The following TRMT44 variants were observed in gnomAD, a reference collection of about 807,000 sequenced individuals.
TRMT44 encodes probable tRNA (uracil-O(2)-)-methyltransferase.
In TRMT44, 78 loss-of-function variants were observed where a neutral mutation model predicts 77.3. That is an observed-to-expected ratio of 1.01 (90% CI 0.84 to 1.22). The LOEUF (loss-of-function observed/expected upper bound fraction) is 1.22. TRMT44 is among the 50% of genes most tolerant of loss of function. The pLI, the probability that TRMT44 is intolerant of heterozygous loss-of-function variation, is 0.00. For missense variants in TRMT44, 1,090 were observed against 964.4 expected (o/e 1.13, Z -1.73); for synonymous variants, 391 against 383.3 (o/e 1.02, Z -0.23).
downstream of TRMT44, among the ~76,000 whole-genome samples, chr4:8,481,485 T>C (rs1727611141): frequency 6.6e-6 from 1 of 152,190 alleles, no homozygotes; most frequent in Admixed American, 6.5e-5. Flanking sequence ...AGGGATCTAC[T>C]CTCTTCGTCG....
At chr4:8,447,677 G>T (rs1579038065) in intron 2 of TRMT44, among the ~76,000 whole-genome samples, 1 of 152,298 alleles carries the variant, frequency 6.6e-6, no homozygotes, top group East Asian at 1.9e-4. Flanking sequence ...TGCTTGAAAG[G>T]GGTGCTCAGG....
At chr4:8,445,673 T>TA (rs572708072) in intron 1 of TRMT44, among the ~76,000 whole-genome samples, 10 of 152,226 alleles carry the variant, frequency 6.6e-5, no homozygotes, top group South Asian at 2.1e-4. Context: ...CTCTGATTGT[T>TA]AGAGTTTTCT....
chr4:8,465,620 G>A, intron 8 of TRMT44, 59 bp downstream of exon 8: 1 of 1,453,932 alleles, frequency 6.9e-7, no homozygotes, highest in East Asian at 2.3e-5. Flanking sequence ...GGAGAGCTCA[G>A]GGCTCTGCCA....
chr4:8,509,917 G>A, the TRMT44 span: 2 of 152,254 alleles, frequency 1.3e-5, no homozygotes, highest in African/African-American at 4.8e-5. Flanking sequence ...TTAAGGTTTT[G>A]GCTCCCTGGG....
At chr4:8,501,186 C>G in the TRMT44 span, among the ~76,000 whole-genome samples, 2 of 152,194 alleles carry the variant, frequency 1.3e-5, no homozygotes, top group Non-Finnish European at 2.9e-5. This position sits in a 1 kb window ranked among gnomAD's most constrained non-coding sequence, Gnocchi z 4.4. Context: ...GATAGAGTGA[C>G]AGCAGAGGTG....
At chr4:8,500,795 T>G in the TRMT44 span, among the ~76,000 whole-genome samples, 1 of 152,064 alleles carries the variant, frequency 6.6e-6, no homozygotes, top group Non-Finnish European at 1.5e-5. Flanking sequence ...GTAGCTGGGA[T>G]TACAGGTGTG....
In TRMT44 at chr4:8,446,315, A is replaced by G. The variant is rs1422278487; in HGVS notation, c.620-161A>G. On this transcript the variant is annotated intron_variant, in intron 1 of 10. Transcript: ENST00000389737. This position sits in a 1 kb window ranked among gnomAD's most constrained non-coding sequence, Gnocchi z 4.3. ...CACATTCTAGGCTGTGGGCTGTAGC[A>G]GTGAATGAAAGGCAAAAGTTCCTCT... 6.6e-6 allele frequency among the ~76,000 whole-genome samples: 1 copy of G among 152,226 alleles called. No homozygotes were observed.
At position 8,453,003 on chromosome 4, in the gene TRMT44, C is replaced by G. The variant is rs1725555482; in HGVS notation, c.1131+14C>G. On this transcript the variant is annotated intron_variant, in intron 5 of 10. Coordinates refer to ENST00000389737, the MANE Select transcript of TRMT44 (RefSeq NM_152544.3). ...AGCAGTGAGGGGGTAAGGCCCGGCT[C>G]CATCACCTTTTCTGGTAACTTGTCC... The G allele has an allele frequency of 2.1e-6, 3 of 1,446,556 alleles. No individual in the cohort carries two copies. In the South Asian group the frequency reaches 4.0e-5, roughly 19 times the overall value. The allele number at this position is 1,446,556 out of a possible 1,614,324, so 89.6% of individuals were successfully genotyped here.
chr4:8,469,087 G>C (rs2109170691), intron 9 of TRMT44, among the ~76,000 whole-genome samples: 1 of 152,346 alleles, frequency 6.6e-6, no homozygotes, highest in African/African-American at 2.4e-5. Flanking sequence ...TCCAGGCTTT[G>C]CTTTCCTCAC....
chr4:8,468,430 A>T, intron 9 of TRMT44, 84 bp downstream of exon 9: 1 of 1,380,118 alleles, frequency 7.2e-7, no homozygotes, highest in East Asian at 2.3e-5. Flanking sequence ...CCGACATGAA[A>T]TGGTGTGGCC....
intron 2 of TRMT44, among the ~76,000 whole-genome samples, chr4:8,447,461 A>G (rs1334171730): frequency 6.6e-6 from 1 of 152,196 alleles, no homozygotes; most frequent in Non-Finnish European, 1.5e-5. Context: ...ATAATGTCTG[A>G]GTAACTGGAA....
intron 8 of TRMT44, 62 bp downstream of exon 8, chr4:8,465,623 C>CTCTCCA: frequency 7.0e-7 from 1 of 1,435,206 alleles, no homozygotes; most frequent in Non-Finnish European, 9.6e-7. Flanking sequence ...GAGCTCAGGG[C>CTCTCCA]TCTGCCACAG....
Position 8,476,346 on chromosome 4 carries a change from C to T in TRMT44, c.*345C>T, listed in dbSNP as rs527524969. The T allele has an allele frequency of 1.8e-4, 56 of 311,198 alleles. No individual in the cohort carries two copies. In the South Asian group the frequency reaches 1.9e-3, roughly 11 times the overall value. 19.3% of individuals were successfully genotyped at this position (311,198 alleles called of 1,614,324 possible). A position where few individuals can be genotyped will look rare whatever the true frequency, so the allele number is the denominator to read the frequency against. ...CACAGGCCCTTCCCAGGGCGCTGTC[C>T]GACGCCTGCCCCACCATGTCCACAT... is the stretch of plus-strand genomic sequence containing the variant. On this transcript the variant is annotated 3_prime_UTR_variant, in exon 11 of 11. Coordinates refer to ENST00000389737, the MANE Select transcript of TRMT44 (RefSeq NM_152544.3).
chr4:8,448,881 A>G (rs1016911624), intron 2 of TRMT44, among the ~76,000 whole-genome samples: 4 of 152,206 alleles, frequency 2.6e-5, no homozygotes, highest in Non-Finnish European at 5.9e-5. Flanking sequence ...TGCCCCGCTC[A>G]CCCAGTGGCT....
intron 3 of TRMT44, among the ~76,000 whole-genome samples, chr4:8,450,435 G>A (rs543664916): frequency 3.3e-5 from 5 of 150,404 alleles, no homozygotes; most frequent in Non-Finnish European, 7.4e-5. Context: ...GAAAAGTAAT[G>A]GAACCTTGAA....
intron 6 of TRMT44, among the ~76,000 whole-genome samples, chr4:8,459,110 G>C (rs1725992653): frequency 6.6e-6 from 1 of 152,150 alleles, no homozygotes; most frequent in Non-Finnish European, 1.5e-5. Context: ...GCTGAGGTTG[G>C]GGGATCACCT....
downstream of TRMT44, chr4:8,477,638 G>A (rs1727459005): frequency 6.5e-6 from 1 of 152,766 alleles, no homozygotes; most frequent in Admixed American, 6.5e-5. Flanking sequence ...AAGCCGCAGA[G>A]CCGCATCCCT....
intron 10 of TRMT44, chr4:8,473,745 C>G (rs1402645720): frequency 1.3e-5 from 2 of 152,256 alleles, no homozygotes; most frequent in African/African-American, 4.8e-5. Context: ...GAGAGTCTTT[C>G]TAGCTGTTGG....
chr4:8,495,034 G>A (rs558191229), downstream of TRMT44, among the ~76,000 whole-genome samples: 18 of 152,278 alleles, frequency 1.2e-4, no homozygotes, highest in South Asian at 3.5e-3. Flanking sequence ...TTCCCAACAC[G>A]GGCTTTCATC....
Sources: gnomAD v4.1 joint callset for allele counts (sites outside exome capture counted in the v4.1 genomes callset) on GRCh38, gnomAD v4.1.1 for gene constraint, Gnocchi (gnomAD v3.1) non-coding constraint, MANE v1.5 for transcripts, NCBI Gene and HGNC (gene_info 2026-07-23, HGNC 2026-07-21) for gene names.